The following DDX60 variants were observed in gnomAD, a reference collection of about 807,000 sequenced individuals.
The protein encoded by DDX60 is DExD/H-box helicase 60.
A neutral mutation model predicts 212.8 loss-of-function variants in DDX60; 165 were observed. That is an observed-to-expected ratio of 0.78 (90% CI 0.68 to 0.88). The LOEUF (loss-of-function observed/expected upper bound fraction) is 0.88, where lower values mean the gene tolerates loss of function less well. Among genes scored for constraint, DDX60 ranks in the 40% least tolerant of loss-of-function variants. DDX60 has a pLI of 0.00. For synonymous variants in DDX60, 703 were observed against 685.3 expected, an observed-to-expected ratio of 1.03 and a Z score of -0.40; for missense variants, 1,905 against 2,003.9, an observed-to-expected ratio of 0.95 and a Z score of 0.94.
At position 168,280,409 on chromosome 4, in the gene DDX60, A is replaced by T; in HGVS notation, c.1904T>A (p.Val635Glu). 1 of 1,614,190 alleles carries T rather than the reference A, an allele frequency of 6.2e-7. No homozygotes were observed. The highest frequency in any genetic ancestry group is 8.5e-7 in the Non-Finnish European group (1 of 1,180,034). The change falls in exon 14 of 38, where the codon GTG becomes GAG. Residue 635 changes from valine (V) to glutamate (E), a missense_variant. Val to Glu is a moderately radical substitution (Grantham distance 121). Transcript: ENST00000393743. ...DFLKSCKSSC[V>E]KLQVEMVGLT... Reference sequence around the variant, plus strand: ...CCCCACCATTTCAACCTGAAGTTTCACACAGCTACTTTTACAGGATTTCAA... The same window carrying T: ...CCCCACCATTTCAACCTGAAGTTTCTCACAGCTACTTTTACAGGATTTCAA...
At chr4:168,317,359 T>C (rs1034030695) in intron 1 of DDX60, among the ~76,000 whole-genome samples, 1 of 151,490 alleles carries the variant, frequency 6.6e-6, no homozygotes, top group African/African-American at 2.4e-5. Flanking sequence ...GTCAGAACCA[T>C]ATTCTGATTC....
chr4:168,291,971 T>G, intron 7 of DDX60, 65 bp from the exon 8 acceptor site: 1 of 1,211,438 alleles, frequency 8.3e-7, no homozygotes, highest in Non-Finnish European at 1.1e-6. Flanking sequence ...AATAAGCATC[T>G]AGGACCACAA....
At chr4:168,290,943 T>A (rs1009952888) in intron 8 of DDX60, among the ~76,000 whole-genome samples, 1 of 152,210 alleles carries the variant, frequency 6.6e-6, no homozygotes, top group African/African-American at 2.4e-5. Context: ...ACTGTATGTA[T>A]AATGATCCTT....
intron 22 of DDX60, chr4:168,265,324 A>C (rs1023765765): frequency 2.0e-5 from 3 of 152,086 alleles, no homozygotes; most frequent in Non-Finnish European, 4.4e-5. Context: ...TTTCATATTA[A>C]TCTGAAAAAT....
At chr4:168,259,458 A>G (rs1734538870) in intron 25 of DDX60, among the ~76,000 whole-genome samples, 1 of 152,116 alleles carries the variant, frequency 6.6e-6, no homozygotes, top group Admixed American at 6.6e-5. Flanking sequence ...CAATCCCCCA[A>G]ATTTGCAAAC....
the DDX60 span, among the ~76,000 whole-genome samples, chr4:168,324,506 T>C: frequency 3.3e-5 from 5 of 152,256 alleles, no homozygotes; most frequent in South Asian, 1.0e-3. Context: ...GAGGGGGCCC[T>C]GTTTAAGGTG....
At chr4:168,221,930 T>C (rs780466783) in intron 35 of DDX60, 49 bp from the exon 36 acceptor site, 13 of 1,555,552 alleles carry the variant, frequency 8.4e-6, no homozygotes, top group South Asian at 3.5e-5. Context: ...ATAAAGAAAG[T>C]TGATAATTTC....
Position 168,302,306 on chromosome 4 carries a change from C to T in DDX60, c.717G>A (p.Thr239=), listed in dbSNP as rs769428257. ...LFGSLKWNNI[T]EEAHKTVSLL... ...TTTTAAAATGTTTTGTTACCTCTTCCGTAATATTATTCCATTTTAAACTTC... is the reference window on the plus strand; with the variant it reads ...TTTTAAAATGTTTTGTTACCTCTTCTGTAATATTATTCCATTTTAAACTTC... The change falls in exon 6 of 38, where the codon ACG becomes ACA. Residue 239 remains threonine (T), a synonymous_variant. Coordinates refer to ENST00000393743, the MANE Select transcript of DDX60 (RefSeq NM_017631.6). 1.9e-5 allele frequency: 28 copies of T among 1,486,366 alleles called. No homozygotes were observed. The highest frequency in any genetic ancestry group is 6.5e-5 in the Admixed American group (3 of 46,372). The allele number at this position is 1,486,366 out of a possible 1,614,324, so 92.1% of individuals were successfully genotyped here.
chr4:168,241,504 A>G (rs887482796), intron 30 of DDX60, among the ~76,000 whole-genome samples: 1 of 152,174 alleles, frequency 6.6e-6, no homozygotes, highest in Non-Finnish European at 1.5e-5. Context: ...GGAGATGAGG[A>G]ACTTGTTGGG....
chr4:168,260,735 G>T, intron 25 of DDX60, 130 bp downstream of exon 25: 1 of 831,540 alleles, frequency 1.2e-6, no homozygotes, highest in Non-Finnish European at 1.9e-6. Context: ...CTCCTGCTCT[G>T]TGGCACAATT....
At position 168,293,817 on chromosome 4, in the gene DDX60, G is replaced by A; in HGVS notation, c.852C>T (p.Pro284=). The change falls in exon 7 of 38, where the codon CCC becomes CCT. Residue 284 remains proline, a synonymous_variant. Coordinates refer to ENST00000393743, the MANE Select transcript of DDX60 (RefSeq NM_017631.6). ...MYHRFLGNRE[P]SSGQETEIQQ... ...GGATCTCAGTTTCCTGACCAGAGGAGGGCTCTCTGTTTCCTAAAAAGCGAT... is the reference window on the plus strand; with the variant it reads ...GGATCTCAGTTTCCTGACCAGAGGAAGGCTCTCTGTTTCCTAAAAAGCGAT... The A allele has an allele frequency of 6.2e-7, 1 of 1,613,446 alleles. No individual in the cohort carries two copies. Among genetic ancestry groups the A allele is most frequent in the South Asian group, 1.1e-5 (1 of 90,918 alleles).
intron 33 of DDX60, among the ~76,000 whole-genome samples, chr4:168,229,734 C>T (rs1733380435): frequency 6.6e-6 from 1 of 151,992 alleles, no homozygotes; most frequent in Admixed American, 6.6e-5. Flanking sequence ...TGAAACAAAT[C>T]CCTGAAAGAC....
rs1186961507 is a variant in DDX60 at position 168,296,204 on chromosome 4, G to A, written c.724-2259C>T. 2.0e-5 allele frequency among the ~76,000 whole-genome samples: 3 copies of A among 152,138 alleles called. 1 individual carries two copies. The highest frequency in any genetic ancestry group is 7.2e-5 in the African/African-American group (3 of 41,428). ...TGATGGATATGTTAATTAGCTCCAT[G>A]TAATCATGTCACGTTGTATACATAT... On this transcript the variant is annotated intron_variant, in intron 6 of 37. Transcript: ENST00000393743.
At chr4:168,261,310 T>A (rs1465359012) in intron 24 of DDX60, among the ~76,000 whole-genome samples, 1 of 152,158 alleles carries the variant, frequency 6.6e-6, no homozygotes, top group Admixed American at 6.5e-5. Flanking sequence ...CAAGTGTGAA[T>A]CAGTTTCTAC....
chr4:168,221,778 A>C lies in DDX60; in HGVS notation c.4928T>G (p.Leu1643Arg). 1 of 1,613,264 alleles carries C rather than the reference A, an allele frequency of 6.2e-7. No homozygotes were observed. The highest frequency in any genetic ancestry group is 1.7e-5 in the Admixed American group (1 of 59,970). The part of the protein sequence containing the change: ...GRKMSLNAYA[L>R]DFYKHGSLIG... The stretch of plus-strand genomic sequence containing the variant: ...CAAGGAACCATGTTTGTAGAAATCC[A>C]GTGCATAGGCATTAAGCGACATTTT... The change falls in exon 36 of 38, where the codon CTG becomes CGG. Residue 1643 changes from leucine to arginine, a missense_variant. By Grantham distance (102) the Leu-to-Arg change is moderately radical (BLOSUM62 -2). Coordinates refer to ENST00000393743, the MANE Select transcript of DDX60 (RefSeq NM_017631.6).
intron 1 of DDX60, among the ~76,000 whole-genome samples, chr4:168,314,134 T>C (rs900507450): frequency 6.6e-6 from 1 of 152,116 alleles, no homozygotes; most frequent in Admixed American, 6.5e-5. Flanking sequence ...TATACTAAAG[T>C]AGGCTTACAC....
intron 34 of DDX60, among the ~76,000 whole-genome samples, 161 bp from the exon 35 acceptor site, chr4:168,224,546 C>T (rs533876587): frequency 7.4e-4 from 113 of 152,080 alleles, no homozygotes; most frequent in East Asian, 2.9e-3. Flanking sequence ...AGTAGCACAG[C>T]TTGGCACAGA....
intron 8 of DDX60, among the ~76,000 whole-genome samples, chr4:168,289,573 C>A (rs1460014850): frequency 6.6e-6 from 1 of 152,140 alleles, no homozygotes; most frequent in Non-Finnish European, 1.5e-5. Context: ...TATCTCCAGC[C>A]CATTCCACCC....
At chr4:168,268,716 C>T (rs1734957547) in intron 20 of DDX60, 138 bp downstream of exon 20, 3 of 488,736 alleles carry the variant, frequency 6.1e-6, no homozygotes, top group Non-Finnish European at 7.1e-6. Context: ...TAGAGAGATG[C>T]AGTTTCTTGA....
Sources: gnomAD v4.1 joint callset for allele counts (sites outside exome capture counted in the v4.1 genomes callset) on GRCh38, gnomAD v4.1.1 for gene constraint, MANE v1.5 for transcripts, NCBI Gene and HGNC (gene_info 2026-07-23, HGNC 2026-07-21) for gene names.